CENPN: variants seen among roughly 807,000 people sequenced by gnomAD.
CENPN encodes interphase centromere complex protein 32.
Under a neutral mutation model 48.6 loss-of-function variants are expected in CENPN, and 36 were observed. The ratio of observed to expected loss-of-function variants is 0.74; its 90% confidence interval spans 0.57 to 0.98. CENPN has a LOEUF of 0.98. CENPN is among the 50% of genes least tolerant of loss of function. The pLI, the probability that CENPN is intolerant of heterozygous loss-of-function variation, is 0.00. For missense variants in CENPN, 439 were observed against 399.2 expected, an observed-to-expected ratio of 1.10 and a Z score of -0.85; for synonymous variants, 166 against 135.2, an observed-to-expected ratio of 1.23 and a Z score of -1.58.
In CENPN at chr16:81,031,003, T is replaced by G. The variant is rs1970748875; in HGVS notation, c.*2352T>G. The G allele has an allele frequency of 6.6e-6, 1 of 151,978 alleles. No individual in the cohort carries two copies. The highest frequency in any genetic ancestry group is 6.6e-5 in the Admixed American group (1 of 15,258). The allele number at this position is 151,978 out of a possible 1,614,324, so 9.4% of individuals were successfully genotyped here. A position where few individuals can be genotyped will look rare whatever the true frequency, so the allele number is the denominator to read the frequency against. On this transcript the variant is annotated 3_prime_UTR_variant, in exon 11 of 11. Transcript: ENST00000305850. Reference sequence around the variant, plus strand: ...GACATAGGTTGCAGTGAGCCGAGACTGCACCACTGCACTCCAGCCTAGGTG... The same window carrying G: ...GACATAGGTTGCAGTGAGCCGAGACGGCACCACTGCACTCCAGCCTAGGTG...
intron 1 of CENPN, among the ~76,000 whole-genome samples, chr16:81,008,875 A>G (rs1424146861): frequency 6.6e-6 from 1 of 152,246 alleles, no homozygotes; most frequent in African/African-American, 2.4e-5. Context: ...AAACAAGAAA[A>G]GTTAAAAAGA....
chr16:81,022,864 C>G (rs1433381531), intron 7 of CENPN, 166 bp downstream of exon 7: 1 of 1,611,046 alleles, frequency 6.2e-7, no homozygotes, highest in South Asian at 1.1e-5. Flanking sequence ...AATAAAAATT[C>G]CTCACAGTCA....
intron 8 of CENPN, among the ~76,000 whole-genome samples, chr16:81,025,655 A>C (rs1271460341): frequency 2.7e-5 from 4 of 149,116 alleles, no homozygotes; most frequent in African/African-American, 1.0e-4. Context: ...CAAGAGATCC[A>C]GTCCAGACTG....
intron 7 of CENPN, 140 bp from the exon 8 acceptor site, chr16:81,024,575 C>CAACTCAGCA: frequency 1.8e-6 from 1 of 551,054 alleles, no homozygotes; most frequent in East Asian, 3.3e-5. Flanking sequence ...TCAACTCAGC[C>CAACTCAGCA]AACTCAGCCA....
intron 6 of CENPN, among the ~76,000 whole-genome samples, chr16:81,022,095 T>TC (rs1401205772): frequency 8.3e-4 from 126 of 152,164 alleles, no homozygotes; most frequent in Non-Finnish European, 1.5e-4. Context: ...GGCAAACTTG[T>TC]CTGTTCTCTA....
chr16:81,023,252 C>T (rs191627465), intron 7 of CENPN: 1 of 233,198 alleles, frequency 4.3e-6, no homozygotes, highest in African/African-American at 2.3e-5. Flanking sequence ...TGTGTTGACA[C>T]TCCTGTGAGT....
At position 81,028,218 on chromosome 16, in the gene CENPN, G is replaced by A. The variant is rs759957087; in HGVS notation, c.858G>A (p.Glu286=). ...KSGLNGSILA[E]REEPLRCLIK... ...GTTTAAATGGGAGCATCTTGGCTGA[G>A]AGGGAAGAACCCCTCCGATGCCTAA... Residue 286 remains glutamate (E), a synonymous_variant, in exon 10 of 11, where the codon GAG becomes GAA. Coordinates refer to ENST00000305850, the MANE Select transcript of CENPN (RefSeq NM_001100624.3). 1.2e-6 allele frequency: 2 copies of A among 1,613,474 alleles called. No homozygotes were observed. The highest frequency in any genetic ancestry group is 4.5e-5 in the East Asian group (2 of 44,882).
At chr16:81,018,177 T>G (rs1481456161) in intron 5 of CENPN, among the ~76,000 whole-genome samples, 1 of 152,018 alleles carries the variant, frequency 6.6e-6, no homozygotes, top group East Asian at 1.9e-4. Flanking sequence ...TTTAATCTTT[T>G]TTTTTTTTTC....
At position 81,028,943 on chromosome 16, in the gene CENPN, A is replaced by G. The variant is rs1970642400; in HGVS notation, c.*292A>G. ...GCCTGAATGCTCTGAAATCAAGCATATGGCACAGCGCTCAAGACTTTTGGG... is the reference window on the plus strand; with the variant it reads ...GCCTGAATGCTCTGAAATCAAGCATGTGGCACAGCGCTCAAGACTTTTGGG... On this transcript the variant is annotated 3_prime_UTR_variant, in exon 11 of 11. Transcript: ENST00000305850. 2 of 1,078,438 alleles carry G rather than the reference A, an allele frequency of 1.9e-6. No homozygotes were observed. The highest frequency in any genetic ancestry group is 2.2e-6 in the Non-Finnish European group (2 of 890,746). The allele number at this position is 1,078,438 out of a possible 1,614,324, so 66.8% of individuals were successfully genotyped here. A position where few individuals can be genotyped will look rare whatever the true frequency, so the allele number is the denominator to read the frequency against.
At chr16:81,015,323 C>T (rs972384908) in intron 3 of CENPN, among the ~76,000 whole-genome samples, 25 of 152,140 alleles carry the variant, frequency 1.6e-4, no homozygotes, top group African/African-American at 6.0e-4. Context: ...TTCATGGCTC[C>T]GTTACTGCCT....
intron 7 of CENPN, 131 bp from the exon 8 acceptor site, chr16:81,024,584 C>CAACTCAGCT: frequency 1.7e-6 from 1 of 578,972 alleles, no homozygotes; most frequent in Non-Finnish European, 2.9e-6. Flanking sequence ...CCAACTCAGC[C>CAACTCAGCT]AGGATATGGC....
chr16:81,012,147 G>T (rs1969768906), intron 2 of CENPN, 37 bp downstream of exon 2: 1 of 1,584,544 alleles, frequency 6.3e-7, no homozygotes, highest in South Asian at 1.1e-5. Flanking sequence ...TGAACAGAGT[G>T]CTACCCCCTT....
In CENPN at chr16:81,015,776, C is replaced by T. The variant is rs144282726; in HGVS notation, c.218-1550C>T. ...ATCCCAGCACTTTGGGAGACCAAGGCAGGTGGATCACCTGAGGTCAGGAGT... is the reference window on the plus strand; with the variant it reads ...ATCCCAGCACTTTGGGAGACCAAGGTAGGTGGATCACCTGAGGTCAGGAGT... On this transcript the variant is annotated intron_variant, in intron 3 of 10. Coordinates refer to ENST00000305850, the MANE Select transcript of CENPN (RefSeq NM_001100624.3). Among the ~76,000 whole-genome samples, 53 of 152,238 alleles carry T rather than the reference C, an allele frequency of 3.5e-4. 1 individual carries two copies. The highest frequency in any genetic ancestry group is 1.2e-3 in the African/African-American group (51 of 41,538).
chr16:81,028,848 T>C lies in CENPN; in HGVS notation c.*197T>C, dbSNP rs950061730. On this transcript the variant is annotated 3_prime_UTR_variant, in exon 11 of 11. Transcript: ENST00000305850. ...ATGCCTCCTCTCTCTGATATCCTGC[T>C]AACTGTAGCCGTTGTGGCATTTGAG... is the stretch of plus-strand genomic sequence containing the variant. 2 of 1,351,722 alleles carry C rather than the reference T, an allele frequency of 1.5e-6. No individual in the cohort carries two copies. Among genetic ancestry groups the C allele is most frequent in the Non-Finnish European group, 1.9e-6 (2 of 1,057,262 alleles). 83.7% of individuals were successfully genotyped at this position (1,351,722 alleles called of 1,614,324 possible).
In CENPN at chr16:81,028,859, G is replaced by C; in HGVS notation, c.*208G>C. 4.5e-6 allele frequency: 6 copies of C among 1,322,254 alleles called. No individual in the cohort carries two copies. The South Asian group carries it at 1.0e-4, about 22-fold the overall frequency. The allele number at this position is 1,322,254 out of a possible 1,614,324, so 81.9% of individuals were successfully genotyped here. A position where few individuals can be genotyped will look rare whatever the true frequency, so the allele number is the denominator to read the frequency against. On this transcript the variant is annotated 3_prime_UTR_variant, in exon 11 of 11. Coordinates refer to ENST00000305850, the MANE Select transcript of CENPN (RefSeq NM_001100624.3). ...CTCTGATATCCTGCTAACTGTAGCC[G>C]TTGTGGCATTTGAGATGACAGGACA...
chr16:81,020,682 A>T (rs2151692752), intron 6 of CENPN, among the ~76,000 whole-genome samples: 1 of 152,320 alleles, frequency 6.6e-6, no homozygotes, highest in Middle Eastern at 3.4e-3. Context: ...CAACCGATAC[A>T]GAAGTCTCTA....
intron 3 of CENPN, chr16:81,014,386 C>T: frequency 1.9e-6 from 1 of 528,028 alleles, no homozygotes; most frequent in Non-Finnish European, 3.4e-6. Context: ...AGCAGTGCAC[C>T]ACCATGTATG....
downstream of CENPN, chr16:81,032,554 G>GTT (rs35840091): frequency 5.9e-4 from 755 of 1,277,838 alleles, no homozygotes; most frequent in African/African-American, 3.6e-3. Flanking sequence ...GATTTTCAGT[G>GTT]TTTTTTTTTT....
chr16:81,014,199 G>C lies in CENPN; in HGVS notation c.217+18G>C, dbSNP rs1245224649. The C allele has an allele frequency of 1.9e-6, 3 of 1,604,792 alleles. No homozygotes were observed. Among genetic ancestry groups the C allele is most frequent in the Non-Finnish European group, 2.6e-6 (3 of 1,171,982 alleles). On this transcript the variant is annotated intron_variant, in intron 3 of 10. Coordinates refer to ENST00000305850, the MANE Select transcript of CENPN (RefSeq NM_001100624.3). Reference sequence around the variant, plus strand: ...CATCATTTGTAAGTGTCAGTGATTTGTATTTATACTTAACCAATCAGTTTA... The same window carrying C: ...CATCATTTGTAAGTGTCAGTGATTTCTATTTATACTTAACCAATCAGTTTA...
Sources: allele counts gnomAD v4.1 joint callset (sites outside exome capture counted in the v4.1 genomes callset), GRCh38; gene constraint gnomAD v4.1.1; transcripts MANE v1.5; gene names NCBI Gene and HGNC (gene_info 2026-07-23, HGNC 2026-07-21).